Variants in ADCY5 observed in about 807,000 individuals in gnomAD.
ADCY5 encodes the protein adenylate cyclase 5, also known as adenylate cyclase type 5.
In ADCY5, 30 loss-of-function variants were observed where a neutral mutation model predicts 119.7. The observed-to-expected ratio is 0.25, with a 90% CI of 0.19 to 0.34. The LOEUF (loss-of-function observed/expected upper bound fraction) is 0.34. Among genes scored for constraint, ADCY5 ranks in the 10% least tolerant of loss-of-function variants. ADCY5 has a pLI of 1.00. For synonymous variants in ADCY5, 753 were observed against 762.2 expected (o/e 0.99, Z 0.20); for missense variants, 1,324 against 1,775.2 (o/e 0.75, Z 4.57).
At chr3:123,401,088 T>A (rs1944738252) in intron 1 of ADCY5, among the ~76,000 whole-genome samples, 1 of 152,086 alleles carries the variant, frequency 6.6e-6, no homozygotes, top group Non-Finnish European at 1.5e-5. Context: ...AGAAGATAAT[T>A]CATTGTAACG....
chr3:123,339,322 G>A (rs914039842), intron 3 of ADCY5, among the ~76,000 whole-genome samples: 1 of 152,166 alleles, frequency 6.6e-6, no homozygotes, highest in Non-Finnish European at 1.5e-5. Context: ...AGTCACTCAT[G>A]TCCTTTAGGG....
Position 123,352,351 on chromosome 3 carries a change from C to G in ADCY5, c.1284+81G>C. The G allele has an allele frequency of 6.8e-7, 1 of 1,474,928 alleles. No individual in the cohort carries two copies. The highest frequency in any genetic ancestry group is 1.4e-5 in the African/African-American group (1 of 72,106). The allele number at this position is 1,474,928 out of a possible 1,614,324, so 91.4% of individuals were successfully genotyped here. Reference sequence around the variant, plus strand: ...GCTGGCAGCCGTAATAAGCACTGCCCGCCCTAGGCCAGGCACTCAGCTGAG... The same window carrying G: ...GCTGGCAGCCGTAATAAGCACTGCCGGCCCTAGGCCAGGCACTCAGCTGAG... On this transcript the variant is annotated intron_variant, in intron 2 of 20. Transcript: ENST00000462833. The surrounding 1 kb of genome is among the most constrained non-coding windows in gnomAD (Gnocchi z 4.8).
At chr3:123,332,757 TC>T in intron 3 of ADCY5, 82 bp from the exon 4 acceptor site, 1 of 975,374 alleles carries the variant, frequency 1.0e-6, no homozygotes, top group Non-Finnish European at 1.6e-6. Flanking sequence ...ATCTTTTTTT[TC>T]TTTTCTTTTT....
rs373134759 is a variant in ADCY5, at chr3:123,342,531, G to A, written c.1406+5251C>T. 1.7e-4 allele frequency among the ~76,000 whole-genome samples: 26 copies of A among 152,224 alleles called. No homozygotes were observed. The East Asian group carries it at 4.6e-3, about 27-fold the overall frequency. On this transcript the variant is annotated intron_variant, in intron 3 of 20. Coordinates refer to ENST00000462833, the MANE Select transcript of ADCY5 (RefSeq NM_183357.3). ...CCCTGGCTGCAGATCCACAGGACTC[G>A]GGTGCCTGATCCAAGTTGGTGAACC...
chr3:123,330,430 C>A (rs1317957803), intron 5 of ADCY5, among the ~76,000 whole-genome samples: 1 of 152,238 alleles, frequency 6.6e-6, no homozygotes, highest in Non-Finnish European at 1.5e-5. Context: ...AGCGGAACAC[C>A]TGCATTTGAA....
In ADCY5 at chr3:123,448,421, T is replaced by G. The variant is rs1370443253; in HGVS notation, c.125A>C (p.Tyr42Ser). Residue 42 changes from tyrosine (Y) to serine (S), a missense_variant, in exon 1 of 21, where the codon TAC becomes TCC. Coordinates refer to ENST00000462833, the MANE Select transcript of ADCY5 (RefSeq NM_183357.3). Reference protein sequence around the residue: ...WGEADSRANGYPHAPGGSARG... With the variant: ...WGEADSRANGSPHAPGGSARG... ...GGCAGAGCCCCCGGGGGCATGGGGG[T>G]AGCCATTCGCGCGGGAATCGGCCTC... 3.6e-6 allele frequency: 5 copies of G among 1,374,450 alleles called. No homozygotes were observed. In the Admixed American group the frequency reaches 1.0e-4, roughly 28 times the overall value. 85.1% of individuals were successfully genotyped at this position (1,374,450 alleles called of 1,614,324 possible).
intron 1 of ADCY5, among the ~76,000 whole-genome samples, chr3:123,379,551 G>T (rs114539879): frequency 1.3e-5 from 2 of 152,144 alleles, no homozygotes; most frequent in Non-Finnish European, 2.9e-5. Flanking sequence ...ACAGCAATCC[G>T]GCAGCCACCA....
At chr3:123,407,744 C>T (rs1213818545) in intron 1 of ADCY5, among the ~76,000 whole-genome samples, 3 of 124,022 alleles carry the variant, frequency 2.4e-5, no homozygotes, top group Admixed American at 8.2e-5. Flanking sequence ...GCAGCCTGGG[C>T]AACAGAGTGA....
Position 123,448,260 on chromosome 3 carries a change from T to G in ADCY5, c.286A>C (p.Ser96Arg), listed in dbSNP as rs994974418. Residue 96 changes from serine (S) to arginine (R), a missense_variant, in exon 1 of 21, where the codon AGC (serine) becomes CGC (arginine). Transcript: ENST00000462833. ...DDPLAGGFGF[S>R]FRSKSAWQER... ...TGCCAGGCGGACTTGGAGCGGAAGC[T>G]GAAGCCGAAGCCCCCGGCCAGGGGG... The G allele has an allele frequency of 3.3e-6, 5 of 1,505,278 alleles. No homozygotes were observed. Among genetic ancestry groups the G allele is most frequent in the Non-Finnish European group, 3.5e-6 (4 of 1,134,858 alleles). 93.2% of individuals were successfully genotyped at this position (1,505,278 alleles called of 1,614,324 possible).
At chr3:123,443,476 G>A (rs1046832689) in intron 1 of ADCY5, among the ~76,000 whole-genome samples, 4 of 151,892 alleles carry the variant, frequency 2.6e-5, no homozygotes, top group South Asian at 2.1e-4. Context: ...ACGTGCTCAC[G>A]TACACACATG....
At chr3:123,384,357 T>C (rs964327968) in intron 1 of ADCY5, among the ~76,000 whole-genome samples, 1 of 152,166 alleles carries the variant, frequency 6.6e-6, no homozygotes, top group Non-Finnish European at 1.5e-5. Flanking sequence ...ACCAAAAACA[T>C]GGAGCTACAG....
chr3:123,405,344 G>A (rs75009595), intron 1 of ADCY5, among the ~76,000 whole-genome samples: 4,197 of 152,314 alleles, frequency 0.028, 241 homozygotes, highest in East Asian at 0.23. Context: ...GGAGAAGCAC[G>A]GACAAGGCAT....
chr3:123,387,127 T>C (rs1331564445), intron 1 of ADCY5, among the ~76,000 whole-genome samples: 1 of 152,202 alleles, frequency 6.6e-6, no homozygotes, highest in African/African-American at 2.4e-5. Flanking sequence ...GGTACAAATA[T>C]AACAACCCAC....
intron 11 of ADCY5, among the ~76,000 whole-genome samples, chr3:123,316,325 G>C (rs1399637454): frequency 6.6e-6 from 1 of 152,168 alleles, no homozygotes; most frequent in Non-Finnish European, 1.5e-5. Flanking sequence ...AGATGGGAGG[G>C]GACTGAGGAC....
chr3:123,322,792 G>A (rs971970805), intron 8 of ADCY5, among the ~76,000 whole-genome samples: 7 of 152,098 alleles, frequency 4.6e-5, no homozygotes, highest in African/African-American at 9.7e-5. Context: ...CAACCAGCAC[G>A]GCTCATCACT....
chr3:123,383,379 G>A lies in ADCY5; in HGVS notation c.1135-30798C>T, dbSNP rs761747593. On this transcript the variant is annotated intron_variant, in intron 1 of 20. Coordinates refer to ENST00000462833, the MANE Select transcript of ADCY5 (RefSeq NM_183357.3). ...GAATGTGAAGTACGTCCCTGTGGCCGTGCACTTGAGGCAAGCGCGAAGGCC... is the reference window on the plus strand; with the variant it reads ...GAATGTGAAGTACGTCCCTGTGGCCATGCACTTGAGGCAAGCGCGAAGGCC... Among the ~76,000 whole-genome samples, 7 of 152,190 alleles carry A rather than the reference G, an allele frequency of 4.6e-5. No homozygotes were observed. In the South Asian group the frequency reaches 6.2e-4, roughly 14 times the overall value.
At chr3:123,365,956 C>A (rs958116478) in intron 1 of ADCY5, among the ~76,000 whole-genome samples, 10 of 152,030 alleles carry the variant, frequency 6.6e-5, no homozygotes, top group Admixed American at 5.2e-4. Context: ...GAGCTGTCCA[C>A]CAGGGGAGCC....
At chr3:123,398,639 T>TAC (rs375362600) in intron 1 of ADCY5, among the ~76,000 whole-genome samples, 1 of 152,118 alleles carries the variant, frequency 6.6e-6, no homozygotes, top group African/African-American at 2.4e-5. Context: ...TTTCTACCCC[T>TAC]ACACACACAC....
chr3:123,309,037 C>A (rs962850914), intron 12 of ADCY5, among the ~76,000 whole-genome samples: 1 of 152,090 alleles, frequency 6.6e-6, no homozygotes, highest in Admixed American at 6.5e-5. Context: ...CTAGTACATT[C>A]CCAATCTGAT....
Sources: allele counts gnomAD v4.1 joint callset (sites outside exome capture counted in the v4.1 genomes callset), GRCh38; gene constraint gnomAD v4.1.1; non-coding constraint Gnocchi (gnomAD v3.1); transcripts MANE v1.5; gene names NCBI Gene and HGNC (gene_info 2026-07-23, HGNC 2026-07-21).